FER: variants seen among roughly 807,000 people sequenced by gnomAD.
FER encodes tyrosine-protein kinase Fer.
A neutral mutation model predicts 111.0 loss-of-function variants in FER; 63 were observed. The ratio of observed to expected loss-of-function variants is 0.57; its 90% CI spans 0.46 to 0.70. FER has a LOEUF of 0.70. FER is among the 30% of genes least tolerant of loss of function. The pLI is 0.00. For synonymous variants in FER, 327 were observed against 313.9 expected (o/e 1.04, Z -0.44); for missense variants, 914 against 954.0 (o/e 0.96, Z 0.55).
intron 12 of FER, among the ~76,000 whole-genome samples, chr5:108,956,728 G>A (rs1362956421): frequency 6.6e-6 from 1 of 151,536 alleles, no homozygotes; most frequent in Non-Finnish European, 1.5e-5. Context: ...TTGCTGTATA[G>A]TGTTGAGCTC....
At chr5:109,076,160 T>A (rs541447691) in intron 16 of FER, among the ~76,000 whole-genome samples, 18 of 152,140 alleles carry the variant, frequency 1.2e-4, no homozygotes, top group Admixed American at 9.8e-4. Flanking sequence ...ATCAAAAAAA[T>A]TATATATAAG....
chr5:108,964,826 A>G (rs1759593338), intron 13 of FER, among the ~76,000 whole-genome samples: 1 of 152,084 alleles, frequency 6.6e-6, no homozygotes, highest in South Asian at 2.1e-4. Context: ...AGTAAATTCC[A>G]TGTTTTTATT....
At chr5:109,160,443 T>C (rs1561973183) in intron 17 of FER, among the ~76,000 whole-genome samples, 1 of 152,178 alleles carries the variant, frequency 6.6e-6, no homozygotes, top group African/African-American at 2.4e-5. Flanking sequence ...CAAATGGTGT[T>C]GTCAGTGTTT....
intron 13 of FER, among the ~76,000 whole-genome samples, chr5:108,968,503 TA>T (rs762878934): frequency 4.6e-4 from 70 of 152,322 alleles, no homozygotes; most frequent in Non-Finnish European, 7.8e-4. Context: ...AATAAAAATT[TA>T]TGTGATATGT....
chr5:108,928,692 A>G (rs573532928), intron 10 of FER, among the ~76,000 whole-genome samples: 41 of 152,148 alleles, frequency 2.7e-4, no homozygotes, highest in Non-Finnish European at 2.8e-4. Flanking sequence ...ATCTCCCTTG[A>G]AAGCATATAC....
At chr5:108,816,443 C>G (rs1296631673) in intron 3 of FER, among the ~76,000 whole-genome samples, 3 of 152,206 alleles carry the variant, frequency 2.0e-5, no homozygotes, top group African/African-American at 4.8e-5. Context: ...CTTTGACAAG[C>G]AAGCTTCAGG....
At chr5:109,076,381 G>A (rs1399306956) in intron 16 of FER, among the ~76,000 whole-genome samples, 1 of 151,964 alleles carries the variant, frequency 6.6e-6, no homozygotes, top group Non-Finnish European at 1.5e-5. Flanking sequence ...TTGCCCACTG[G>A]ATAATTAGCA....
intron 17 of FER, among the ~76,000 whole-genome samples, chr5:109,108,761 C>G (rs1302475272): frequency 6.6e-6 from 1 of 152,158 alleles, no homozygotes; most frequent in South Asian, 2.1e-4. Context: ...CTGGGGAATT[C>G]ATCAGAACAT....
intron 2 of FER, chr5:108,785,359 G>A (rs1580511793): frequency 6.9e-6 from 4 of 580,730 alleles, no homozygotes; most frequent in South Asian, 5.9e-5. Flanking sequence ...GTGCTGCCAT[G>A]GGCCCCAGCA....
chr5:108,778,475 C>T (rs1039809352), intron 2 of FER, among the ~76,000 whole-genome samples: 9 of 152,228 alleles, frequency 5.9e-5, no homozygotes, highest in African/African-American at 2.2e-4. Context: ...TGTTGTTCCA[C>T]ATCCTCACCA....
At chr5:109,145,368 A>T (rs1464251818) in intron 17 of FER, among the ~76,000 whole-genome samples, 1 of 152,072 alleles carries the variant, frequency 6.6e-6, no homozygotes, top group Admixed American at 6.6e-5. Flanking sequence ...AAGCTTTACA[A>T]CAACATGAGG....
intron 8 of FER, among the ~76,000 whole-genome samples, chr5:108,874,576 AT>A (rs66607071): frequency 0.016 from 2,445 of 151,080 alleles, 75 homozygotes; most frequent in African/African-American, 0.057. Flanking sequence ...AACTGTATGT[AT>A]TTTTTTAATG....
chr5:108,904,163 A>C (rs1004572396), intron 10 of FER, among the ~76,000 whole-genome samples: 3 of 152,216 alleles, frequency 2.0e-5, no homozygotes, highest in African/African-American at 7.2e-5. Flanking sequence ...TAGTGAACAA[A>C]ATAGAATTTG....
chr5:108,992,765 G>A (rs1271247142), intron 13 of FER, among the ~76,000 whole-genome samples: 1 of 149,678 alleles, frequency 6.7e-6, no homozygotes, highest in Non-Finnish European at 1.5e-5. Context: ...GGGCGGAGGG[G>A]CTCCTCACTT....
intron 12 of FER, among the ~76,000 whole-genome samples, chr5:108,955,862 A>C (rs1298146818): frequency 6.6e-6 from 1 of 151,920 alleles, no homozygotes; most frequent in Non-Finnish European, 1.5e-5. Context: ...TCTCTTAATA[A>C]GTTTATATAT....
At chr5:109,072,002 A>G (rs1290177304) in intron 16 of FER, among the ~76,000 whole-genome samples, 1 of 151,738 alleles carries the variant, frequency 6.6e-6, no homozygotes, top group Non-Finnish European at 1.5e-5. Flanking sequence ...GCGTTATGTT[A>G]CGAACCTAAT....
chr5:109,075,777 A>G (rs951557650), intron 16 of FER, among the ~76,000 whole-genome samples: 18 of 152,286 alleles, frequency 1.2e-4, no homozygotes, highest in African/African-American at 2.6e-4. Context: ...ACCGAAATTA[A>G]TCGTGGTTGG....
At chr5:108,767,106 C>A (rs556073719) in intron 1 of FER, among the ~76,000 whole-genome samples, 1 of 152,056 alleles carries the variant, frequency 6.6e-6, no homozygotes, top group African/African-American at 2.4e-5. Context: ...GAATTCGAGA[C>A]CAGCCTGACC....
chr5:109,014,369 T>G (rs1057132670), intron 13 of FER, among the ~76,000 whole-genome samples: 29 of 152,254 alleles, frequency 1.9e-4, no homozygotes, highest in African/African-American at 7.0e-4. Context: ...TTTTGTCAGG[T>G]TTGTCAAAGA....
Sources: allele counts gnomAD v4.1 joint callset (sites outside exome capture counted in the v4.1 genomes callset), GRCh38; gene constraint gnomAD v4.1.1; transcripts MANE v1.5; gene names NCBI Gene and HGNC (gene_info 2026-07-23, HGNC 2026-07-21).